The following RIT2 variants were observed in gnomAD, a reference collection of about 807,000 sequenced individuals.
RIT2 encodes Ras like without CAAX 2.
A neutral mutation model predicts 23.7 loss-of-function variants in RIT2; 24 were observed. That is an observed-to-expected ratio of 1.01 (90% CI 0.73 to 1.43). The LOEUF (loss-of-function observed/expected upper bound fraction) is 1.43, where lower values mean the gene tolerates loss of function less well. Ranked by LOEUF, RIT2 falls within the 40% of genes most tolerant of loss-of-function variation. RIT2 has a pLI of 0.00. For synonymous variants in RIT2, 107 were observed against 91.1 expected, an observed-to-expected ratio of 1.17 and a Z score of -0.99; for missense variants, 236 against 266.9, an observed-to-expected ratio of 0.88 and a Z score of 0.81.
At chr18:42,896,788 T>C (rs980266486) in intron 4 of RIT2, among the ~76,000 whole-genome samples, 5 of 152,202 alleles carry the variant, frequency 3.3e-5, no homozygotes, top group African/African-American at 1.2e-4. Context: ...TCCAGTATGT[T>C]TAATTATTAT....
chr18:43,100,261 GA>G (rs1326708665), intron 1 of RIT2, among the ~76,000 whole-genome samples: 1 of 152,118 alleles, frequency 6.6e-6, no homozygotes, highest in African/African-American at 2.4e-5. Context: ...GATATCTGGA[GA>G]AAAGTATCCC....
At chr18:42,998,319 C>A (rs1911032184) in intron 2 of RIT2, among the ~76,000 whole-genome samples, 1 of 152,116 alleles carries the variant, frequency 6.6e-6, no homozygotes. Flanking sequence ...AATCAGTTTA[C>A]CACATCTCTA....
At chr18:43,056,636 T>C (rs1912509026) in intron 1 of RIT2, among the ~76,000 whole-genome samples, 1 of 152,000 alleles carries the variant, frequency 6.6e-6, no homozygotes, top group Non-Finnish European at 1.5e-5. Context: ...ATTGAAGAAA[T>C]AAATCATAAA....
At chr18:42,773,593 G>A (rs986149815) in intron 4 of RIT2, among the ~76,000 whole-genome samples, 4 of 152,234 alleles carry the variant, frequency 2.6e-5, no homozygotes, top group East Asian at 3.9e-4. Context: ...TGCTGGGTGA[G>A]TAGTATCTAA....
chr18:42,846,974 C>T (rs1022472824), intron 4 of RIT2, among the ~76,000 whole-genome samples: 1 of 152,060 alleles, frequency 6.6e-6, no homozygotes, highest in African/African-American at 2.4e-5. Flanking sequence ...TCTGGTATAA[C>T]CTATTGAGTT....
chr18:43,050,610 C>T (rs1912357244), intron 1 of RIT2, among the ~76,000 whole-genome samples: 1 of 152,042 alleles, frequency 6.6e-6, no homozygotes, highest in Admixed American at 6.6e-5. Flanking sequence ...CAGGGGCAGG[C>T]CTCAGGAAAC....
intron 3 of RIT2, among the ~76,000 whole-genome samples, chr18:42,933,161 G>A (rs1263212961): frequency 6.6e-6 from 1 of 151,902 alleles, no homozygotes; most frequent in Non-Finnish European, 1.5e-5. Context: ...ACTTTGATGT[G>A]CTAACTCTAT....
chr18:42,991,785 AC>A (rs1233377461), intron 2 of RIT2, among the ~76,000 whole-genome samples: 1 of 151,368 alleles, frequency 6.6e-6, no homozygotes, highest in Admixed American at 6.6e-5. Context: ...CCAGAGAACA[AC>A]CCCCCTTTGA....
At chr18:42,752,417 G>A (rs1374063010) in intron 4 of RIT2, among the ~76,000 whole-genome samples, 1 of 152,020 alleles carries the variant, frequency 6.6e-6, no homozygotes, top group African/African-American at 2.4e-5. Context: ...ATGGTAGAAA[G>A]GAATTAAATT....
chr18:42,980,223 G>C (rs1029828686), intron 2 of RIT2, among the ~76,000 whole-genome samples: 1 of 152,122 alleles, frequency 6.6e-6, no homozygotes, highest in African/African-American at 2.4e-5. Flanking sequence ...GCTGAAGACA[G>C]GGTACCACAA....
chr18:43,067,595 A>G (rs1912800441), intron 1 of RIT2, among the ~76,000 whole-genome samples: 1 of 152,188 alleles, frequency 6.6e-6, no homozygotes, highest in Non-Finnish European at 1.5e-5. Context: ...CAATTAGTTG[A>G]AAGAGTTATT....
intron 2 of RIT2, among the ~76,000 whole-genome samples, chr18:42,989,991 C>A (rs1206957400): frequency 7.0e-6 from 1 of 143,510 alleles, no homozygotes; most frequent in Non-Finnish European, 1.5e-5. Flanking sequence ...ATATATTACA[C>A]GTTCTGTATT....
intron 3 of RIT2, among the ~76,000 whole-genome samples, chr18:42,957,600 T>C (rs1184710994): frequency 6.6e-6 from 1 of 152,008 alleles, no homozygotes; most frequent in East Asian, 1.9e-4. Flanking sequence ...CCTGGTCAAC[T>C]TGGCGAAGCT....
chr18:43,077,839 G>A (rs77498394), intron 1 of RIT2, among the ~76,000 whole-genome samples: 1,880 of 152,248 alleles, frequency 0.012, 61 homozygotes, highest in African/African-American at 0.043. Context: ...AGAGCAGGTA[G>A]TATGTAGCAT....
chr18:42,923,843 A>T, intron 3 of RIT2, 80 bp from the exon 4 acceptor site: 1 of 1,125,156 alleles, frequency 8.9e-7, no homozygotes, highest in Non-Finnish European at 1.3e-6. Context: ...AATCATTATG[A>T]AATTTGAATG....
chr18:43,096,372 A>C (rs1447334403), intron 1 of RIT2, among the ~76,000 whole-genome samples: 1 of 151,828 alleles, frequency 6.6e-6, no homozygotes, highest in Non-Finnish European at 1.5e-5. Flanking sequence ...TGAGATTTAG[A>C]GGGGTGTAGA....
intron 2 of RIT2, among the ~76,000 whole-genome samples, chr18:42,982,067 T>G (rs1910610474): frequency 6.6e-6 from 1 of 152,158 alleles, no homozygotes; most frequent in Non-Finnish European, 1.5e-5. Context: ...AAATTTTATA[T>G]TTCACAAATG....
chr18:42,747,142 C>T (rs927717453), intron 4 of RIT2, among the ~76,000 whole-genome samples: 1 of 151,868 alleles, frequency 6.6e-6, no homozygotes, highest in Non-Finnish European at 1.5e-5. Context: ...TAATTGTATA[C>T]CTAGAAAACC....
chr18:42,985,169 T>C (rs1452068904), intron 2 of RIT2, among the ~76,000 whole-genome samples: 1 of 152,106 alleles, frequency 6.6e-6, no homozygotes, highest in Non-Finnish European at 1.5e-5. Context: ...AATGATGCAA[T>C]TTACCATAAT....
Sources: gnomAD v4.1 joint callset for allele counts (sites outside exome capture counted in the v4.1 genomes callset) on GRCh38, gnomAD v4.1.1 for gene constraint, MANE v1.5 for transcripts, NCBI Gene and HGNC (gene_info 2026-07-23, HGNC 2026-07-21) for gene names.